AOPEP: variants seen among roughly 807,000 people sequenced by gnomAD.
AOPEP encodes aminopeptidase O (putative), also known as aminopeptidase O.
AOPEP carries 77 observed loss-of-function variants against 98.1 expected under a neutral mutation model. The ratio of observed to expected loss-of-function variants is 0.78; its 90% confidence interval spans 0.65 to 0.95. The LOEUF (loss-of-function observed/expected upper bound fraction) is 0.95. Among genes scored for constraint, AOPEP ranks in the 40% least tolerant of loss-of-function variants. The pLI, the probability that AOPEP is intolerant of heterozygous loss-of-function variation, is 0.00. For missense variants in AOPEP, 1,024 were observed against 1,024.7 expected (o/e 1.00, Z 0.01); for synonymous variants, 346 against 365.3 (o/e 0.95, Z 0.60).
chr9:94,861,626 G>A (rs1463985450), intron 5 of AOPEP, among the ~76,000 whole-genome samples: 1 of 152,184 alleles, frequency 6.6e-6, no homozygotes, highest in Non-Finnish European at 1.5e-5. Context: ...CCCATGAGCT[G>A]TTTTAGGCCC....
intron 10 of AOPEP, among the ~76,000 whole-genome samples, chr9:94,969,653 C>T (rs548432649): frequency 6.6e-6 from 1 of 152,168 alleles, no homozygotes; most frequent in African/African-American, 2.4e-5. Flanking sequence ...GTGATCTGCC[C>T]GCCTCGGCCT....
At chr9:95,134,730 C>T in the AOPEP span, among the ~76,000 whole-genome samples, 1 of 152,182 alleles carries the variant, frequency 6.6e-6, no homozygotes, top group Non-Finnish European at 1.5e-5. Flanking sequence ...TCAGTGGTGG[C>T]GAGGGCCACT....
chr9:95,057,741 AT>A (rs1352860541), intron 13 of AOPEP, among the ~76,000 whole-genome samples: 1 of 152,058 alleles, frequency 6.6e-6, no homozygotes, highest in Non-Finnish European at 1.5e-5. Flanking sequence ...CAGAAACTAC[AT>A]TTCCCCCCAT....
At chr9:95,006,955 G>T (rs1053758758) in intron 13 of AOPEP, among the ~76,000 whole-genome samples, 3 of 148,312 alleles carry the variant, frequency 2.0e-5, no homozygotes, top group Admixed American at 1.4e-4. Context: ...AGGCTGGAGT[G>T]CAGTGGCGTG....
At chr9:94,732,247 C>CG (rs1554691436) in intron 1 of AOPEP, among the ~76,000 whole-genome samples, 1 of 147,432 alleles carries the variant, frequency 6.8e-6, no homozygotes, top group Non-Finnish European at 1.5e-5. Context: ...TTTCAGTCAA[C>CG]TTTTTTTTTT....
At chr9:95,123,040 G>A in the AOPEP span, among the ~76,000 whole-genome samples, 1 of 152,200 alleles carries the variant, frequency 6.6e-6, no homozygotes, top group African/African-American at 2.4e-5. Flanking sequence ...AGTGGCTCAA[G>A]CCTGGAATCC....
At chr9:94,923,531 G>C (rs115250595) in intron 5 of AOPEP, among the ~76,000 whole-genome samples, 1,778 of 152,202 alleles carry the variant, frequency 0.012, 34 homozygotes, top group African/African-American at 0.041. Flanking sequence ...CATTCTTCTT[G>C]GCTTTTTCTG....
At chr9:94,912,715 G>T (rs2052246125) in intron 5 of AOPEP, among the ~76,000 whole-genome samples, 1 of 152,218 alleles carries the variant, frequency 6.6e-6, no homozygotes, top group Non-Finnish European at 1.5e-5. Context: ...CTTTCCTGAT[G>T]AAAGGGATCG....
intron 11 of AOPEP, among the ~76,000 whole-genome samples, chr9:94,986,854 C>T (rs1342153984): frequency 1.3e-5 from 2 of 152,194 alleles, no homozygotes; most frequent in Non-Finnish European, 2.9e-5. Flanking sequence ...ATTTCCAGAA[C>T]GAGTTTGAAT....
chr9:95,111,818 C>T, the AOPEP span, among the ~76,000 whole-genome samples: 1 of 152,260 alleles, frequency 6.6e-6, no homozygotes, highest in Non-Finnish European at 1.5e-5. Context: ...TGCACCATCA[C>T]AGGACATCGA....
At chr9:94,757,177 T>G (rs182989279) in intron 1 of AOPEP, among the ~76,000 whole-genome samples, 1 of 152,180 alleles carries the variant, frequency 6.6e-6, no homozygotes, top group African/African-American at 2.4e-5. Flanking sequence ...GTAATACTTA[T>G]GAAGAACTAA....
intron 7 of AOPEP, among the ~76,000 whole-genome samples, chr9:94,936,141 C>T (rs1003879082): frequency 1.3e-5 from 2 of 152,184 alleles, no homozygotes; most frequent in African/African-American, 4.8e-5. Context: ...TACTTCTGGT[C>T]TTGCCCTTCC....
chr9:95,007,561 A>G (rs2062130853), intron 13 of AOPEP, among the ~76,000 whole-genome samples: 1 of 152,212 alleles, frequency 6.6e-6, no homozygotes, highest in Admixed American at 6.5e-5. Context: ...AGTAGGTTGA[A>G]ACCAACATTC....
At chr9:94,925,307 G>C (rs2054155648) in intron 6 of AOPEP, among the ~76,000 whole-genome samples, 1 of 152,182 alleles carries the variant, frequency 6.6e-6, no homozygotes, top group Admixed American at 6.5e-5. Context: ...CTAATGTTTA[G>C]GTCACTTTTT....
intron 6 of AOPEP, among the ~76,000 whole-genome samples, chr9:94,927,390 C>T (rs528889416): frequency 2.0e-5 from 3 of 152,348 alleles, no homozygotes; most frequent in South Asian, 4.1e-4. Flanking sequence ...ATCGTCTGGC[C>T]TCTGCCAGCT....
At chr9:94,999,592 T>C (rs1249218777) in intron 11 of AOPEP, among the ~76,000 whole-genome samples, 1 of 152,190 alleles carries the variant, frequency 6.6e-6, no homozygotes, top group Non-Finnish European at 1.5e-5. Context: ...CTGTTTCTTA[T>C]AATGCACCTC....
chr9:94,902,717 T>C (rs1307971098), intron 5 of AOPEP, among the ~76,000 whole-genome samples: 1 of 152,110 alleles, frequency 6.6e-6, no homozygotes, highest in East Asian at 1.9e-4. Context: ...TGGGGCTCTG[T>C]ATCTGTGTGT....
chr9:94,993,688 A>G (rs1013380624), intron 11 of AOPEP, among the ~76,000 whole-genome samples: 7 of 152,218 alleles, frequency 4.6e-5, no homozygotes, highest in African/African-American at 1.7e-4. Context: ...AGAGACGTAG[A>G]TCAGATGGTT....
chr9:94,766,393 C>T (rs754113882), intron 2 of AOPEP, among the ~76,000 whole-genome samples: 1 of 152,222 alleles, frequency 6.6e-6, no homozygotes. Context: ...AAAAATTAGC[C>T]GGGCGTGGTG....
Sources: gnomAD v4.1 joint callset for allele counts (sites outside exome capture counted in the v4.1 genomes callset) on GRCh38, gnomAD v4.1.1 for gene constraint, MANE v1.5 for transcripts, NCBI Gene and HGNC (gene_info 2026-07-23, HGNC 2026-07-21) for gene names.